ADAM21: variants seen among roughly 807,000 people sequenced by gnomAD.
The protein encoded by ADAM21 is ADAM metallopeptidase domain 21.
For synonymous variants in ADAM21, 262 were observed against 306.0 expected, an observed-to-expected ratio of 0.86 and a Z score of 1.50; for missense variants, 678 against 874.4, an observed-to-expected ratio of 0.78 and a Z score of 2.83.
chr14:70,458,805 T>C lies in ADAM21; in HGVS notation c.1306T>C (p.Leu436=), dbSNP rs768454546. 1.2e-6 allele frequency: 2 copies of C among 1,614,214 alleles called. No individual in the cohort carries two copies. Among genetic ancestry groups the C allele is most frequent in the South Asian group, 1.1e-5 (1 of 91,082 alleles). ...QQCEQDACCL[L]NCTLRPGAAC... ...GTGTGAACAAGACGCCTGTTGTCTG[T>C]TGAACTGCACTCTAAGGCCTGGGGC... Residue 436 remains leucine, a synonymous_variant, in exon 2 of 2, where the codon TTG becomes CTG. Transcript: ENST00000603540.
chr14:70,459,530 T>C lies in ADAM21; in HGVS notation c.2031T>C (p.Ser677=), dbSNP rs777288875. 1 of 1,614,216 alleles carries C rather than the reference T, an allele frequency of 6.2e-7. No individual in the cohort carries two copies. Among genetic ancestry groups the C allele is most frequent in the Non-Finnish European group, 8.5e-7 (1 of 1,180,022 alleles). The part of the protein sequence containing the change: ...YGGSIDSGPA[S]AKRGVFLPLI... ...GCAGTATTGACAGTGGCCCAGCATC[T>C]GCAAAGAGAGGAGTTTTTTTGCCGC... The change falls in exon 2 of 2, where the codon TCT becomes TCC. Residue 677 remains serine, a synonymous_variant. Transcript: ENST00000603540.
rs747445778 is a variant in ADAM21 at position 70,459,277 on chromosome 14, T to C, written c.1778T>C (p.Ile593Thr). The part of the protein sequence containing the change: ...THINGVTCWG[I>T]DYHLRMNISD... ...ATCAATGGTGTCACCTGCTGGGGTA[T>C]TGACTATCATTTAAGGATGAACATA... The change falls in exon 2 of 2, where the codon ATT becomes ACT. Residue 593 changes from isoleucine to threonine, a missense_variant. By Grantham distance (89) the Ile-to-Thr change is moderately conservative. Coordinates refer to ENST00000603540, the MANE Select transcript of ADAM21 (RefSeq NM_003813.4). The C allele has an allele frequency of 7.4e-6, 12 of 1,614,080 alleles. No homozygotes were observed. Among genetic ancestry groups the C allele is most frequent in the Admixed American group, 3.3e-5 (2 of 60,004 alleles).
intron 1 of ADAM21, among the ~76,000 whole-genome samples, chr14:70,455,609 A>T (rs1219063604): frequency 6.6e-6 from 1 of 152,170 alleles, no homozygotes; most frequent in Non-Finnish European, 1.5e-5. Flanking sequence ...CACTTTTATG[A>T]TACCTTTTCC....
At chr14:70,452,897 GTCC>G (rs1889057880) in intron 1 of ADAM21, among the ~76,000 whole-genome samples, 1 of 152,142 alleles carries the variant, frequency 6.6e-6, no homozygotes, top group Non-Finnish European at 1.5e-5. Flanking sequence ...AATAGAAACA[GTCC>G]TCAAGTAGGT....
chr14:70,458,716 T>C lies in ADAM21; in HGVS notation c.1217T>C (p.Leu406Pro), dbSNP rs1882467563. ...CCAAGATTGGGGGAAATCTTTATGC[T>C]AAAGCGCTGTGGGAATGGTGTGGTT... Reference protein sequence around the residue: ...NPPRLGEIFMLKRCGNGVVER... With the variant: ...NPPRLGEIFMPKRCGNGVVER... The change falls in exon 2 of 2, where the codon CTA (leucine) becomes CCA (proline). Residue 406 changes from leucine (L) to proline (P), a missense_variant. Physicochemically the swap from Leu to Pro is moderately conservative, Grantham distance 98 (BLOSUM62 -3). Transcript: ENST00000603540. 1 of 1,614,032 alleles carries C rather than the reference T, an allele frequency of 6.2e-7. No homozygotes were observed. Among genetic ancestry groups the C allele is most frequent in the Non-Finnish European group, 8.5e-7 (1 of 1,180,004 alleles).
rs1200134473 is a variant in ADAM21 at position 70,457,332 on chromosome 14, T to C, written c.-151-17T>C. ...ACTTATCACCTTTCCAACCCATCTT[T>C]TTATTTTTACTTCCAGCACTGCAGT... On this transcript the variant is annotated splice_polypyrimidine_tract_variant and intron_variant, in intron 1 of 1. Transcript: ENST00000603540. 2.0e-6 allele frequency: 2 copies of C among 1,014,322 alleles called. No individual in the cohort carries two copies. Among genetic ancestry groups the C allele is most frequent in the Non-Finnish European group, 2.9e-6 (2 of 694,086 alleles). 62.8% of individuals were successfully genotyped at this position (1,014,322 alleles called of 1,614,324 possible).
At chr14:70,453,035 C>T (rs964664957) in intron 1 of ADAM21, among the ~76,000 whole-genome samples, 8 of 148,706 alleles carry the variant, frequency 5.4e-5, no homozygotes, top group East Asian at 2.0e-4. Flanking sequence ...TTGAATTTGG[C>T]GTGTGTGTGT....
rs1306893257 is a variant in ADAM21 at position 70,459,164 on chromosome 14, C to T, written c.1665C>T (p.Ile555=). The change falls in exon 2 of 2, where the codon ATC becomes ATT. Residue 555 remains isoleucine (I), a synonymous_variant. Transcript: ENST00000603540. The part of the protein sequence containing the change: ...INGTTYLKCH[I]SDVFCGRVQC... ...GCACAACATACCTAAAATGTCATATCTCTGATGTCTTTTGTGGGAGAGTTC... is the reference window on the plus strand; with the variant it reads ...GCACAACATACCTAAAATGTCATATTTCTGATGTCTTTTGTGGGAGAGTTC... The T allele has an allele frequency of 2.5e-6, 4 of 1,613,614 alleles. No homozygotes were observed. The African/African-American group carries it at 4.0e-5, about 16-fold the overall frequency.
rs753270424 is a variant in ADAM21, at chr14:70,457,944, A to G, written c.445A>G (p.Arg149Gly). ...SGLTYEIEPIRHSATFEHLVY... is the reference protein window; with the variant it reads ...SGLTYEIEPIGHSATFEHLVY... Reference sequence around the variant, plus strand: ...CCTCACTTATGAAATTGAACCCATCAGGCACTCTGCCACATTTGAACACCT... The same window carrying G: ...CCTCACTTATGAAATTGAACCCATCGGGCACTCTGCCACATTTGAACACCT... The change falls in exon 2 of 2, where the codon AGG (arginine) becomes GGG (glycine). Residue 149 changes from arginine to glycine, a missense_variant. Arg to Gly is a moderately radical substitution (Grantham distance 125, BLOSUM62 -2). Coordinates refer to ENST00000603540, the MANE Select transcript of ADAM21 (RefSeq NM_003813.4). 6.2e-7 allele frequency: 1 copy of G among 1,613,932 alleles called. No individual in the cohort carries two copies. Among genetic ancestry groups the G allele is most frequent in the African/African-American group, 1.3e-5 (1 of 74,868 alleles).
chr14:70,452,608 C>T (rs573942235), intron 1 of ADAM21, among the ~76,000 whole-genome samples: 5 of 152,262 alleles, frequency 3.3e-5, no homozygotes, highest in South Asian at 2.1e-4. Context: ...CCTCGTGATC[C>T]GCCCTCCTCG....
intron 1 of ADAM21, among the ~76,000 whole-genome samples, chr14:70,454,628 G>T (rs1420758869): frequency 1.3e-5 from 2 of 152,088 alleles, no homozygotes; most frequent in African/African-American, 4.8e-5. Context: ...AAATTGATTA[G>T]GATATATGAA....
chr14:70,453,811 A>T (rs1198982035), intron 1 of ADAM21, among the ~76,000 whole-genome samples: 1 of 152,192 alleles, frequency 6.6e-6, no homozygotes, highest in Non-Finnish European at 1.5e-5. Flanking sequence ...TTTGCCTATG[A>T]ACTTTGCTTT....
intron 1 of ADAM21, among the ~76,000 whole-genome samples, chr14:70,452,522 C>T (rs1419282958): frequency 6.6e-6 from 1 of 152,250 alleles, no homozygotes; most frequent in Middle Eastern, 3.4e-3. Context: ...CCCGCCACCA[C>T]GCCTGGCTGA....
intron 1 of ADAM21, among the ~76,000 whole-genome samples, chr14:70,455,288 G>A (rs908514485): frequency 2.0e-5 from 3 of 152,156 alleles, no homozygotes; most frequent in Non-Finnish European, 4.4e-5. Flanking sequence ...TTCTGTGTAA[G>A]TCCTCTTAGA....
Position 70,459,195 on chromosome 14 carries a change from G to A in ADAM21, c.1696G>A (p.Glu566Lys). ...TGTCTTTTGTGGGAGAGTTCAATGT[G>A]AGAATGTGAGAGACATTCCTCTTCT... ...SDVFCGRVQC[E>K]NVRDIPLLQD... The change falls in exon 2 of 2, where the codon GAG becomes AAG. Residue 566 changes from glutamate (E) to lysine (K), a missense_variant. Glu to Lys is a moderately conservative substitution (Grantham distance 56). Transcript: ENST00000603540. 6.2e-7 allele frequency: 1 copy of A among 1,613,906 alleles called. No individual in the cohort carries two copies. The highest frequency in any genetic ancestry group is 8.5e-7 in the Non-Finnish European group (1 of 1,179,964).
chr14:70,454,010 A>G (rs1427946924), intron 1 of ADAM21, among the ~76,000 whole-genome samples: 6 of 152,188 alleles, frequency 3.9e-5, no homozygotes, highest in African/African-American at 7.2e-5. Context: ...AACCTTAAAT[A>G]CTTTATATTA....
intron 1 of ADAM21, among the ~76,000 whole-genome samples, chr14:70,457,004 C>A (rs1882421119): frequency 1.3e-5 from 2 of 152,182 alleles, no homozygotes; most frequent in Admixed American, 1.3e-4. Flanking sequence ...ATAGATATTG[C>A]AAGGGCAACA....
chr14:70,458,714 G>A lies in ADAM21; in HGVS notation c.1215G>A (p.Met405Ile), dbSNP rs770469927. 4 of 1,614,072 alleles carry A rather than the reference G, an allele frequency of 2.5e-6. No homozygotes were observed. The highest frequency in any genetic ancestry group is 3.4e-6 in the Non-Finnish European group (4 of 1,179,990). ...HNPPRLGEIF[M>I]LKRCGNGVVE... is the part of the protein sequence containing the mutation. The stretch of plus-strand genomic sequence containing the variant: ...CTCCAAGATTGGGGGAAATCTTTAT[G>A]CTAAAGCGCTGTGGGAATGGTGTGG... Residue 405 changes from methionine (M) to isoleucine (I), a missense_variant, in exon 2 of 2, where the codon ATG becomes ATA. Met to Ile is a conservative substitution (Grantham distance 10). Coordinates refer to ENST00000603540, the MANE Select transcript of ADAM21 (RefSeq NM_003813.4).
At chr14:70,452,826 T>G (rs1287569259) in intron 1 of ADAM21, among the ~76,000 whole-genome samples, 1 of 152,128 alleles carries the variant, frequency 6.6e-6, no homozygotes, top group Non-Finnish European at 1.5e-5. Flanking sequence ...TCACCTCAAT[T>G]GCCAGTAAGG....
Sources: allele counts gnomAD v4.1 joint callset (sites outside exome capture counted in the v4.1 genomes callset), GRCh38; gene constraint gnomAD v4.1.1; transcripts MANE v1.5; gene names NCBI Gene and HGNC (gene_info 2026-07-23, HGNC 2026-07-21).